FBXL20: variants seen among roughly 807,000 people sequenced by gnomAD.
The protein encoded by FBXL20 is F-box and leucine rich repeat protein 20.
In FBXL20, 11 loss-of-function variants were observed where a neutral mutation model predicts 64.0. The observed-to-expected ratio is 0.17, with a 90% confidence interval of 0.11 to 0.28. The LOEUF (loss-of-function observed/expected upper bound fraction) is 0.28, where lower values mean the gene tolerates loss of function less well. Ranked by LOEUF, FBXL20 falls within the 10% of genes least tolerant of loss-of-function variation. FBXL20 has a pLI of 1.00. For missense variants in FBXL20, 303 were observed against 526.2 expected (o/e 0.58, Z 4.15); for synonymous variants, 184 against 189.0 (o/e 0.97, Z 0.22).
Position 39,281,416 on chromosome 17 carries a change from C to T in FBXL20, c.669G>A (p.Leu223=). Residue 223 remains leucine, a synonymous_variant, in exon 9 of 15, where the codon CTG becomes CTA. Transcript: ENST00000264658. ...AGCAAGTCTGCAAGTTCAAAGTCAC[C>T]AGTTCAGGGCAGTGTGCACCTATGT... ...LKYIGAHCPE[L]VTLNLQTCLQ... is the part of the protein sequence containing the mutation. The T allele has an allele frequency of 6.2e-7, 1 of 1,613,818 alleles. No individual in the cohort carries two copies. The highest frequency in any genetic ancestry group is 8.5e-7 in the Non-Finnish European group (1 of 1,179,868).
chr17:39,312,276 G>A (rs2047241686), intron 2 of FBXL20, among the ~76,000 whole-genome samples: 1 of 151,670 alleles, frequency 6.6e-6, no homozygotes, highest in African/African-American at 2.4e-5. Context: ...TTAGCTGGGT[G>A]TGGTGGCAGG....
In FBXL20 at chr17:39,401,610, C is replaced by A. The variant is rs1002562398; in HGVS notation, c.-208G>T. The A allele has an allele frequency of 2.1e-6, 3 of 1,403,484 alleles. No individual in the cohort carries two copies. In the African/African-American group the frequency reaches 4.6e-5, roughly 21 times the overall value. 86.9% of individuals were successfully genotyped at this position (1,403,484 alleles called of 1,614,324 possible). On this transcript the variant is annotated 5_prime_UTR_variant, in exon 1 of 15. Transcript: ENST00000264658. ...CGGCGGCCGCAACGACTGCTCGTCG[C>A]TAGCTCGGCTCTCTCCTCAGCCTCA...
At chr17:39,265,316 C>CT (rs1314994305) in intron 13 of FBXL20, 81 bp downstream of exon 13, 10 of 1,104,404 alleles carry the variant, frequency 9.1e-6, no homozygotes, top group Non-Finnish European at 1.3e-5. Context: ...TAGCCAGACA[C>CT]TAAGAGCTGG....
At chr17:39,272,479 A>G (rs2046853300) in intron 10 of FBXL20, among the ~76,000 whole-genome samples, 1 of 151,572 alleles carries the variant, frequency 6.6e-6, no homozygotes, top group East Asian at 1.9e-4. Flanking sequence ...AGGGCAGATC[A>G]CCTGAGGCCA....
intron 13 of FBXL20, 23 bp downstream of exon 13, chr17:39,265,374 A>G (rs775281741): frequency 3.1e-6 from 5 of 1,589,164 alleles, no homozygotes; most frequent in Non-Finnish European, 4.3e-6. Flanking sequence ...GTAAACACAT[A>G]AAGTTTTCAA....
At chr17:39,352,387 A>T (rs2047695794) in intron 1 of FBXL20, among the ~76,000 whole-genome samples, 1 of 152,032 alleles carries the variant, frequency 6.6e-6, no homozygotes. Flanking sequence ...CATTAAAAAA[A>T]ATAGGAAAGA....
At chr17:39,337,380 G>A (rs1167043270) in intron 2 of FBXL20, among the ~76,000 whole-genome samples, 2 of 152,194 alleles carry the variant, frequency 1.3e-5, no homozygotes, top group Non-Finnish European at 2.9e-5. Context: ...CCAAAGTGCC[G>A]AGATTGCAGC....
At chr17:39,271,967 G>C (rs1223896185) in intron 10 of FBXL20, among the ~76,000 whole-genome samples, 1 of 152,138 alleles carries the variant, frequency 6.6e-6, no homozygotes, top group East Asian at 1.9e-4. Flanking sequence ...AGAAATGGAT[G>C]GCGGGGTGCG....
At chr17:39,401,214 G>C (rs1320563212) in intron 1 of FBXL20, 147 bp downstream of exon 1, 12 of 1,504,382 alleles carry the variant, frequency 8.0e-6, no homozygotes, top group Non-Finnish European at 6.3e-6. Context: ...CTTCTGGGTC[G>C]CAAGAAAGGG....
chr17:39,259,358 TATAGAAG>T lies in FBXL20; in HGVS notation c.*2095_*2101del, dbSNP rs1399157022. The stretch of plus-strand genomic sequence containing the variant: ...ACAAGCCTTTTAATAGTCTGGATCA[TATAGAAG>T]ATTAATATTATGATGGATTGCACAT... On this transcript the variant is annotated 3_prime_UTR_variant, in exon 15 of 15. Transcript: ENST00000264658. 6.6e-6 allele frequency: 1 copy of T among 152,082 alleles called. No homozygotes were observed. The highest frequency in any genetic ancestry group is 1.5e-5 in the Non-Finnish European group (1 of 68,010). 9.4% of individuals were successfully genotyped at this position (152,082 alleles called of 1,614,324 possible). A position where few individuals can be genotyped will look rare whatever the true frequency, so the allele number is the denominator to read the frequency against.
At chr17:39,317,031 G>A in intron 2 of FBXL20, among the ~76,000 whole-genome samples, 1 of 152,106 alleles carries the variant, frequency 6.6e-6, no homozygotes, top group South Asian at 2.1e-4. Flanking sequence ...CCAAACATAA[G>A]ATGTTCTTGG....
intron 1 of FBXL20, among the ~76,000 whole-genome samples, chr17:39,390,364 T>C (rs2048122571): frequency 6.6e-6 from 1 of 151,742 alleles, no homozygotes; most frequent in Non-Finnish European, 1.5e-5. Context: ...AGTTCAAGAC[T>C]AGCCTGACCA....
intron 2 of FBXL20, among the ~76,000 whole-genome samples, chr17:39,337,634 C>T (rs1461827689): frequency 9.3e-5 from 14 of 151,186 alleles, no homozygotes; most frequent in Admixed American, 9.2e-4. Flanking sequence ...TCTGCCCGGC[C>T]GCCCCGTCTG....
intron 1 of FBXL20, among the ~76,000 whole-genome samples, chr17:39,390,961 G>A (rs1019328584): frequency 2.0e-5 from 3 of 151,986 alleles, no homozygotes; most frequent in African/African-American, 4.8e-5. Flanking sequence ...GCAGAGAACT[G>A]CTTGAACCCA....
chr17:39,364,981 A>G (rs570850434), intron 1 of FBXL20, among the ~76,000 whole-genome samples: 1 of 152,340 alleles, frequency 6.6e-6, no homozygotes, highest in African/African-American at 2.4e-5. Flanking sequence ...CAGGTTCTCT[A>G]TTGAAGAAGT....
chr17:39,311,810 G>A (rs1335646459), intron 2 of FBXL20, among the ~76,000 whole-genome samples: 1 of 152,152 alleles, frequency 6.6e-6, no homozygotes, highest in East Asian at 1.9e-4. Flanking sequence ...GGGGTGGCAG[G>A]AGTCACAGGT....
At chr17:39,383,849 C>T (rs1329101023) in intron 1 of FBXL20, among the ~76,000 whole-genome samples, 5 of 151,990 alleles carry the variant, frequency 3.3e-5, no homozygotes, top group Admixed American at 6.6e-5. Flanking sequence ...CTCGGCCTCC[C>T]AAAGTGCTGG....
intron 2 of FBXL20, among the ~76,000 whole-genome samples, chr17:39,327,438 A>G (rs2047419350): frequency 1.3e-5 from 2 of 152,146 alleles, no homozygotes; most frequent in African/African-American, 2.4e-5. Context: ...AAAATACAGA[A>G]AGGAGGAGGG....
chr17:39,298,640 G>T (rs1354697696), intron 5 of FBXL20, among the ~76,000 whole-genome samples: 1 of 152,114 alleles, frequency 6.6e-6, no homozygotes, highest in South Asian at 2.1e-4. Flanking sequence ...CTTGAGTCCA[G>T]GAGTTCAAGA....
Sources: allele counts gnomAD v4.1 joint callset (sites outside exome capture counted in the v4.1 genomes callset), GRCh38; gene constraint gnomAD v4.1.1; transcripts MANE v1.5; gene names NCBI Gene and HGNC (gene_info 2026-07-23, HGNC 2026-07-21).